Variants in CDH4 observed in about 807,000 individuals in gnomAD.
The protein encoded by CDH4 is cadherin-4.
In CDH4, 33 loss-of-function variants were observed where a neutral mutation model predicts 86.0. That is an observed-to-expected ratio of 0.38 (90% CI 0.29 to 0.51). CDH4 has a LOEUF of 0.51. Among genes scored for constraint, CDH4 ranks in the 20% least tolerant of loss-of-function variants. The pLI is 0.86. For synonymous variants in CDH4, 555 were observed against 549.4 expected, an observed-to-expected ratio of 1.01 and a Z score of -0.14; for missense variants, 1,114 against 1,307.4, an observed-to-expected ratio of 0.85 and a Z score of 2.28.
intron 8 of CDH4, among the ~76,000 whole-genome samples, chr20:61,903,414 G>C (rs915164712): frequency 2.6e-5 from 4 of 151,920 alleles, no homozygotes; most frequent in African/African-American, 7.3e-5. Flanking sequence ...GCATGATGGC[G>C]GGTGCTTGTA....
chr20:61,393,656 T>C lies in CDH4; in HGVS notation c.169+138719T>C, dbSNP rs2084999153. Reference sequence around the variant, plus strand: ...CAAAGCATAGTGGTTGCAGCGAGGATCATCGAAGTAGACCTGGCTGGGTGA... The same window carrying C: ...CAAAGCATAGTGGTTGCAGCGAGGACCATCGAAGTAGACCTGGCTGGGTGA... On this transcript the variant is annotated intron_variant, in intron 2 of 15. Transcript: ENST00000614565. This position sits in a 1 kb window ranked among gnomAD's most constrained non-coding sequence, Gnocchi z 4.3. Among the ~76,000 whole-genome samples the C allele has an allele frequency of 6.6e-6, 1 of 152,014 alleles. No homozygotes were observed. The highest frequency in any genetic ancestry group is 1.5e-5 in the Non-Finnish European group (1 of 67,994).
chr20:61,298,274 G>A (rs1483311466), intron 2 of CDH4, among the ~76,000 whole-genome samples: 2 of 152,150 alleles, frequency 1.3e-5, no homozygotes, highest in African/African-American at 4.8e-5. Flanking sequence ...TGCATCATCA[G>A]GGAGATCAAT....
chr20:61,351,221 C>G (rs4812313), intron 2 of CDH4, among the ~76,000 whole-genome samples: 111,121 of 151,966 alleles, frequency 0.73, 41,085 homozygotes, highest in African/African-American at 0.85. Context: ...AAGAATTGTG[C>G]CTGTACTGAA....
intron 2 of CDH4, among the ~76,000 whole-genome samples, chr20:61,331,785 GC>G (rs1266569412): frequency 8.6e-6 from 1 of 115,702 alleles, no homozygotes; most frequent in Non-Finnish European, 1.9e-5. Context: ...CACTCAGCCT[GC>G]CTGCAGCAGT....
At chr20:61,914,697 A>G (rs1038767680) in intron 9 of CDH4, among the ~76,000 whole-genome samples, 1 of 152,250 alleles carries the variant, frequency 6.6e-6, no homozygotes, top group Middle Eastern at 3.4e-3. Context: ...GAAACTAGAA[A>G]GGTGCTGCCA....
At chr20:61,362,216 G>A (rs940557361) in intron 2 of CDH4, among the ~76,000 whole-genome samples, 1 of 152,234 alleles carries the variant, frequency 6.6e-6, no homozygotes, top group Admixed American at 6.5e-5. Context: ...CTGGCAGGGG[G>A]GGATGTGCTT....
Position 61,820,849 on chromosome 20 carries a change from G to GCCC in CDH4, c.577-23816_577-23814dup, listed in dbSNP as rs1980984767. 2.0e-5 allele frequency among the ~76,000 whole-genome samples: 3 copies of GCCC among 152,102 alleles called. No individual in the cohort carries two copies. In the South Asian group the frequency reaches 6.2e-4, roughly 31 times the overall value. On this transcript the variant is annotated intron_variant, in intron 4 of 15. Coordinates refer to ENST00000614565, the MANE Select transcript of CDH4 (RefSeq NM_001794.5). ...CAAGGCAGCCAGGCAGGGAGGCTGT[G>GCCC]CCCCCTTCAGGCCCAGGACCCTCTG...
chr20:61,599,862 A>C, intron 2 of CDH4: 1 of 985,580 alleles, frequency 1.0e-6, no homozygotes, highest in Non-Finnish European at 1.2e-6. Context: ...CGCCGCACAC[A>C]ACACAGGAGC....
At chr20:61,748,093 G>T (rs561800264) in intron 3 of CDH4, among the ~76,000 whole-genome samples, 4 of 151,508 alleles carry the variant, frequency 2.6e-5, no homozygotes, top group Admixed American at 1.3e-4. Context: ...GGGGCGTTGT[G>T]GGGGGGTTGG....
chr20:61,863,914 C>T (rs1291971790), intron 6 of CDH4, among the ~76,000 whole-genome samples: 3 of 149,998 alleles, frequency 2.0e-5, no homozygotes, highest in Non-Finnish European at 4.4e-5. Context: ...GGTTTCCAGA[C>T]ACTGCCTGCC....
At chr20:61,914,474 T>C (rs530526901) in intron 9 of CDH4, among the ~76,000 whole-genome samples, 3 of 149,666 alleles carry the variant, frequency 2.0e-5, no homozygotes, top group South Asian at 2.1e-4. Flanking sequence ...CTGGGACTTG[T>C]GCTTCTTCTT....
chr20:61,747,113 TAGAA>T (rs1409813913), intron 3 of CDH4, among the ~76,000 whole-genome samples: 3 of 151,780 alleles, frequency 2.0e-5, no homozygotes, highest in African/African-American at 7.3e-5. Flanking sequence ...GGACAAGACA[TAGAA>T]AGAACAATCG....
At chr20:61,364,615 A>G (rs4075168) in intron 2 of CDH4, among the ~76,000 whole-genome samples, 7,670 of 152,314 alleles carry the variant, frequency 0.05, 506 homozygotes, top group Admixed American at 0.14. Flanking sequence ...TCAGACTTCT[A>G]CAGACATCCT....
intron 4 of CDH4, among the ~76,000 whole-genome samples, chr20:61,824,922 T>C (rs141730166): frequency 9.6e-4 from 146 of 152,340 alleles, no homozygotes; most frequent in African/African-American, 3.3e-3. Flanking sequence ...AAGGATGGTG[T>C]TGAAAAGTCA....
intron 2 of CDH4, among the ~76,000 whole-genome samples, chr20:61,614,315 C>T (rs1400339212): frequency 1.3e-5 from 2 of 152,132 alleles, no homozygotes; most frequent in Non-Finnish European, 2.9e-5. Context: ...AACCCCTGAA[C>T]AGGAAGATAC....
chr20:61,370,053 G>C (rs1263198411), intron 2 of CDH4: 2 of 152,388 alleles, frequency 1.3e-5, no homozygotes, highest in African/African-American at 4.8e-5. Context: ...AGCCATGCAG[G>C]GCCCCAGCCT....
intron 2 of CDH4, among the ~76,000 whole-genome samples, chr20:61,440,450 T>A (rs1270854252): frequency 6.6e-6 from 1 of 152,250 alleles, no homozygotes; most frequent in Admixed American, 6.5e-5. Flanking sequence ...TTGCATGTCT[T>A]TCACCCTAAA....
chr20:61,936,671 GT>G, intron 15 of CDH4, 65 bp from the exon 16 acceptor site: 1 of 1,352,878 alleles, frequency 7.4e-7, no homozygotes, highest in Non-Finnish European at 9.8e-7. Flanking sequence ...CTCGCTTTCC[GT>G]TCCATCTGAT....
chr20:61,895,094 G>C (rs575470738), intron 8 of CDH4, 47 bp downstream of exon 8: 5 of 1,598,122 alleles, frequency 3.1e-6, no homozygotes. Flanking sequence ...GTGCAGGGCA[G>C]GAATGCACTG....
Sources: gnomAD v4.1 joint callset for allele counts (sites outside exome capture counted in the v4.1 genomes callset) on GRCh38, gnomAD v4.1.1 for gene constraint, Gnocchi (gnomAD v3.1) non-coding constraint, MANE v1.5 for transcripts, NCBI Gene and HGNC (gene_info 2026-07-23, HGNC 2026-07-21) for gene names.